AOPEP: variants seen among roughly 807,000 people sequenced by gnomAD.
AOPEP encodes the protein aminopeptidase O (putative).
Under a neutral mutation model 98.1 loss-of-function variants are expected in AOPEP, and 77 were observed. The observed-to-expected ratio is 0.78, with a 90% CI of 0.65 to 0.95. AOPEP has a LOEUF of 0.95. Ranked by LOEUF, AOPEP falls within the 40% of genes least tolerant of loss-of-function variation. The pLI, the probability that AOPEP is intolerant of heterozygous loss-of-function variation, is 0.00. For synonymous variants in AOPEP, 346 were observed against 365.3 expected (o/e 0.95, Z 0.60); for missense variants, 1,024 against 1,024.7 (o/e 1.00, Z 0.01).
intron 11 of AOPEP, among the ~76,000 whole-genome samples, chr9:94,998,559 G>T (rs971087218): frequency 6.6e-6 from 1 of 152,150 alleles, no homozygotes; most frequent in African/African-American, 2.4e-5. Context: ...AATAACAACT[G>T]CTTCTTGTTC....
intron 2 of AOPEP, among the ~76,000 whole-genome samples, chr9:94,768,265 C>A (rs1840073129): frequency 6.6e-6 from 1 of 152,148 alleles, no homozygotes; most frequent in African/African-American, 2.4e-5. Context: ...TGGCAGCCTT[C>A]TCCCCAGTCA....
chr9:94,809,253 A>G (rs1048995189), intron 5 of AOPEP, among the ~76,000 whole-genome samples: 1 of 152,148 alleles, frequency 6.6e-6, no homozygotes, highest in Non-Finnish European at 1.5e-5. Context: ...CTTAAAAGAG[A>G]TTCTTTACTG....
chr9:95,050,652 C>T (rs563080864), intron 13 of AOPEP, among the ~76,000 whole-genome samples: 12 of 152,174 alleles, frequency 7.9e-5, no homozygotes, highest in Admixed American at 5.2e-4. Flanking sequence ...TAGTTGTGGT[C>T]GGCTCTCCTT....
intron 1 of AOPEP, among the ~76,000 whole-genome samples, chr9:94,734,351 G>A (rs1831261409): frequency 6.6e-6 from 1 of 152,224 alleles, no homozygotes; most frequent in African/African-American, 2.4e-5. Flanking sequence ...GGTTGGTGCA[G>A]TGTAGGAAGT....
the AOPEP span, among the ~76,000 whole-genome samples, chr9:95,147,532 A>C: frequency 6.6e-6 from 1 of 152,200 alleles, no homozygotes; most frequent in African/African-American, 2.4e-5. Flanking sequence ...AGAAAAGAAA[A>C]GAAAAGATGA....
intron 1 of AOPEP, among the ~76,000 whole-genome samples, chr9:94,729,416 A>G (rs560155998): frequency 8.7e-4 from 133 of 152,156 alleles, no homozygotes; most frequent in Admixed American, 1.6e-3. Flanking sequence ...CGAAAAATAC[A>G]AAAATTAGCC....
the AOPEP span, among the ~76,000 whole-genome samples, chr9:95,145,013 C>T: frequency 2.6e-5 from 4 of 152,128 alleles, no homozygotes; most frequent in African/African-American, 9.7e-5. Context: ...GCCATGAAAC[C>T]TGCATTTTGA....
chr9:95,044,190 T>C (rs2065617868), intron 13 of AOPEP, among the ~76,000 whole-genome samples: 1 of 152,250 alleles, frequency 6.6e-6, no homozygotes, highest in African/African-American at 2.4e-5. Flanking sequence ...AATGGTTTTC[T>C]TTGCCTGTGA....
At chr9:94,797,149 A>G (rs1847128451) in intron 4 of AOPEP, among the ~76,000 whole-genome samples, 1 of 152,208 alleles carries the variant, frequency 6.6e-6, no homozygotes. Flanking sequence ...AAAGCACAGA[A>G]TTGGCCAGGC....
At chr9:95,111,036 A>AGAT in the AOPEP span, 1 of 1,455,742 alleles carries the variant, frequency 6.9e-7, no homozygotes, top group Non-Finnish European at 9.0e-7. Context: ...GAGACAGTCA[A>AGAT]GATGGAAGCA....
chr9:94,895,054 T>TTGTGTGTG (rs61413921), intron 5 of AOPEP, among the ~76,000 whole-genome samples: 3 of 151,342 alleles, frequency 2.0e-5, no homozygotes, highest in African/African-American at 7.3e-5. Flanking sequence ...CTCTGTGTGT[T>TTGTGTGTG]TGTGTGTGTG....
chr9:95,109,068 C>A, the AOPEP span, among the ~76,000 whole-genome samples: 2 of 152,112 alleles, frequency 1.3e-5, no homozygotes, highest in Admixed American at 6.5e-5. Context: ...CATTACCATA[C>A]CTGGCTAATT....
chr9:94,796,174 T>C (rs2133588002), intron 4 of AOPEP, among the ~76,000 whole-genome samples: 1 of 152,294 alleles, frequency 6.6e-6, no homozygotes, highest in South Asian at 2.1e-4. Context: ...GGTGCCACTC[T>C]AGGGAAGCGC....
chr9:94,754,496 G>A (rs1240257465), intron 1 of AOPEP, among the ~76,000 whole-genome samples: 2 of 152,192 alleles, frequency 1.3e-5, no homozygotes, highest in East Asian at 1.9e-4. Flanking sequence ...AGAGGCACAG[G>A]TGTATCCTGA....
chr9:94,789,284 T>C (rs1023894147), intron 3 of AOPEP, among the ~76,000 whole-genome samples: 2 of 152,208 alleles, frequency 1.3e-5, no homozygotes, highest in African/African-American at 4.8e-5. Flanking sequence ...CCTCATACAG[T>C]TAAACCTCTC....
At chr9:94,984,903 T>C (rs986563824) in intron 11 of AOPEP, among the ~76,000 whole-genome samples, 1 of 152,246 alleles carries the variant, frequency 6.6e-6, no homozygotes. Context: ...TGTGACAGCA[T>C]GGATGATGAG....
At chr9:95,049,787 C>A (rs927447062) in intron 13 of AOPEP, among the ~76,000 whole-genome samples, 1 of 152,196 alleles carries the variant, frequency 6.6e-6, no homozygotes, top group Non-Finnish European at 1.5e-5. Flanking sequence ...TAATCATGTT[C>A]ATGCCAACGC....
At chr9:94,726,990 C>T (rs1454521823) in intron 1 of AOPEP, among the ~76,000 whole-genome samples, 1 of 152,212 alleles carries the variant, frequency 6.6e-6, no homozygotes, top group Non-Finnish European at 1.5e-5. Context: ...GAGGTGGCCA[C>T]GGGCTCTGGC....
intron 5 of AOPEP, among the ~76,000 whole-genome samples, chr9:94,872,007 CA>C (rs1025314402): frequency 5.3e-5 from 8 of 149,944 alleles, no homozygotes; most frequent in Admixed American, 3.3e-4. Flanking sequence ...GACCCTGTCT[CA>C]AAGAAGAAAA....
Sources: gnomAD v4.1 joint callset for allele counts (sites outside exome capture counted in the v4.1 genomes callset) on GRCh38, gnomAD v4.1.1 for gene constraint, MANE v1.5 for transcripts, NCBI Gene and HGNC (gene_info 2026-07-23, HGNC 2026-07-21) for gene names.